UTP18: variants seen among roughly 807,000 people sequenced by gnomAD.
The protein encoded by UTP18 is U3 small nucleolar RNA-associated protein 18 homolog.
A neutral mutation model predicts 61.1 loss-of-function variants in UTP18; 36 were observed. That is an observed-to-expected ratio of 0.59 (90% CI 0.45 to 0.78). The LOEUF is 0.78. Ranked by LOEUF, UTP18 falls within the 30% of genes least tolerant of loss-of-function variation. The pLI, the probability that UTP18 is intolerant of heterozygous loss-of-function variation, is 0.00. For missense variants in UTP18, 753 were observed against 693.9 expected (o/e 1.09, Z -0.96); for synonymous variants, 282 against 251.1 (o/e 1.12, Z -1.16).
intron 9 of UTP18, among the ~76,000 whole-genome samples, chr17:51,280,786 C>G (rs867040628): frequency 2.6e-5 from 4 of 151,628 alleles, no homozygotes; most frequent in Non-Finnish European, 4.4e-5. Context: ...GCACTCTAGC[C>G]TGGGGGACAG....
At chr17:51,268,305 C>T (rs1417255538) in intron 3 of UTP18, among the ~76,000 whole-genome samples, 1 of 152,298 alleles carries the variant, frequency 6.6e-6, no homozygotes, top group East Asian at 1.9e-4. Context: ...GGATTACAGG[C>T]GTGAGCCATG....
chr17:51,291,360 C>G (rs1187633484), intron 11 of UTP18, among the ~76,000 whole-genome samples: 1 of 152,140 alleles, frequency 6.6e-6, no homozygotes, highest in Non-Finnish European at 1.5e-5. Context: ...GGGAATTTTG[C>G]AGGTAGATGC....
intron 4 of UTP18, among the ~76,000 whole-genome samples, chr17:51,270,497 A>G (rs1904492932): frequency 6.6e-6 from 1 of 152,220 alleles, no homozygotes; most frequent in Admixed American, 6.5e-5. Flanking sequence ...TAGCTGTTGA[A>G]ACAAAATCCC....
At chr17:51,266,349 C>G (rs939503490) in intron 3 of UTP18, 69 bp downstream of exon 3, 4 of 1,080,714 alleles carry the variant, frequency 3.7e-6, no homozygotes. Flanking sequence ...TAACCGTAAC[C>G]GCTTCTTGTG....
At chr17:51,271,426 C>T (rs998212856) in intron 4 of UTP18, among the ~76,000 whole-genome samples, 2 of 152,042 alleles carry the variant, frequency 1.3e-5, no homozygotes, top group Admixed American at 6.6e-5. Flanking sequence ...CCCACCTCAG[C>T]CTCTGGAGTA....
chr17:51,290,647 G>T (rs1286218013), intron 11 of UTP18, among the ~76,000 whole-genome samples: 1 of 152,166 alleles, frequency 6.6e-6, no homozygotes, highest in African/African-American at 2.4e-5. Context: ...TCTATCTCCT[G>T]TTGACATAAT....
chr17:51,261,759 G>A (rs2055492196), intron 1 of UTP18, among the ~76,000 whole-genome samples: 1 of 152,008 alleles, frequency 6.6e-6, no homozygotes, highest in East Asian at 1.9e-4. Flanking sequence ...GATAAAGGGG[G>A]CAGAGGAAAG....
At chr17:51,261,261 C>G (rs1484642411) in intron 1 of UTP18, among the ~76,000 whole-genome samples, 1 of 152,208 alleles carries the variant, frequency 6.6e-6, no homozygotes, top group Non-Finnish European at 1.5e-5. Context: ...TTTTGATCAC[C>G]TGCCTCAGTT....
Position 51,287,981 on chromosome 17 carries a change from G to A in UTP18, c.1329-48G>A, listed in dbSNP as rs761730091. ...ATCTATATTCACTTAGGTTGTGAAA[G>A]CCCTTTTACTTGGTTTTTAATCTAT... is the stretch of plus-strand genomic sequence containing the variant. On this transcript the variant is annotated intron_variant, in intron 10 of 13. Transcript: ENST00000225298. 2.9e-6 allele frequency: 4 copies of A among 1,388,682 alleles called. No individual in the cohort carries two copies. The South Asian group carries it at 5.0e-5, about 17-fold the overall frequency. 86.0% of individuals were successfully genotyped at this position (1,388,682 alleles called of 1,614,324 possible). A position where few individuals can be genotyped will look rare whatever the true frequency, so the allele number is the denominator to read the frequency against.
At chr17:51,266,418 G>C (rs1299080672) in intron 3 of UTP18, 138 bp downstream of exon 3, 1 of 550,784 alleles carries the variant, frequency 1.8e-6, no homozygotes, top group Non-Finnish European at 2.9e-6. Flanking sequence ...CTAAATTTCT[G>C]TAGTTTTTTT....
chr17:51,262,358 A>G (rs569101175), intron 1 of UTP18, among the ~76,000 whole-genome samples: 4 of 152,220 alleles, frequency 2.6e-5, no homozygotes, highest in Non-Finnish European at 5.9e-5. Flanking sequence ...TGCTGAGACT[A>G]CAAGTGTGAG....
chr17:51,295,468 AT>A (rs1905344037), intron 12 of UTP18, among the ~76,000 whole-genome samples: 1 of 152,192 alleles, frequency 6.6e-6, no homozygotes, highest in East Asian at 1.9e-4. Context: ...TCCTTTCCCC[AT>A]TTTTTGTTTT....
At chr17:51,276,060 C>A in intron 6 of UTP18, 69 bp downstream of exon 6, 2 of 1,449,050 alleles carry the variant, frequency 1.4e-6, no homozygotes, top group African/African-American at 1.5e-5. Context: ...CATTTGCAAC[C>A]CCAAATGCAA....
intron 9 of UTP18, among the ~76,000 whole-genome samples, chr17:51,283,173 CTT>C (rs769771406): frequency 7.7e-6 from 1 of 130,292 alleles, no homozygotes; most frequent in Non-Finnish European, 1.7e-5. Flanking sequence ...CCAGCCACTT[CTT>C]TTTTTTTTTT....
chr17:51,284,172 ATTTG>A (rs915191617), intron 9 of UTP18, among the ~76,000 whole-genome samples: 1 of 152,158 alleles, frequency 6.6e-6, no homozygotes, highest in Admixed American at 6.5e-5. Flanking sequence ...GGAACATTTT[ATTTG>A]TTAGGGAGTT....
At chr17:51,263,196 A>T (rs761177618) in intron 1 of UTP18, 78 bp from the exon 2 acceptor site, 1 of 1,147,006 alleles carries the variant, frequency 8.7e-7, no homozygotes, top group African/African-American at 1.6e-5. Context: ...TCTATGAGCC[A>T]TTTGGCTGTA....
intron 11 of UTP18, among the ~76,000 whole-genome samples, chr17:51,291,102 G>C (rs941044459): frequency 2.0e-5 from 3 of 152,204 alleles, no homozygotes; most frequent in Non-Finnish European, 4.4e-5. Context: ...TGATAGAAAT[G>C]GTATTAGAAA....
chr17:51,262,877 AG>A (rs1396439343), intron 1 of UTP18, among the ~76,000 whole-genome samples: 2 of 152,184 alleles, frequency 1.3e-5, no homozygotes, highest in African/African-American at 4.8e-5. Context: ...TTAAGGAGGT[AG>A]GGGGTCAAAA....
chr17:51,280,303 T>C, intron 8 of UTP18, 86 bp from the exon 9 acceptor site: 3 of 1,460,340 alleles, frequency 2.1e-6, no homozygotes, highest in Non-Finnish European at 2.8e-6. Flanking sequence ...TGCTAGAAAA[T>C]AGAGAACTAG....
Sources: allele counts gnomAD v4.1 joint callset (sites outside exome capture counted in the v4.1 genomes callset), GRCh38; gene constraint gnomAD v4.1.1; transcripts MANE v1.5; gene names NCBI Gene and HGNC (gene_info 2026-07-23, HGNC 2026-07-21).